TMEM150B: variants seen among roughly 807,000 people sequenced by gnomAD.
TMEM150B encodes the protein transmembrane protein 150B.
In TMEM150B, 33 loss-of-function variants were observed where a neutral mutation model predicts 25.2. The observed-to-expected ratio is 1.31, with a 90% CI of 0.99 to 1.75. The LOEUF is 1.75. TMEM150B is among the 40% of genes most tolerant of loss of function. The pLI, the probability that TMEM150B is intolerant of heterozygous loss-of-function variation, is 0.00. For synonymous variants in TMEM150B, 133 were observed against 134.8 expected, an observed-to-expected ratio of 0.99 and a Z score of 0.09; for missense variants, 322 against 306.1, an observed-to-expected ratio of 1.05 and a Z score of -0.39.
downstream of TMEM150B, among the ~76,000 whole-genome samples, chr19:55,309,977 G>A (rs530612636): frequency 2.0e-4 from 31 of 152,170 alleles, no homozygotes; most frequent in Non-Finnish European, 2.4e-4. Context: ...CCTGGACCCC[G>A]TTGAAAGGAA....
chr19:55,311,821 C>T (rs2088803900), downstream of TMEM150B: 3 of 1,390,112 alleles, frequency 2.2e-6, no homozygotes, highest in Non-Finnish European at 3.0e-6. Context: ...CTGAGACCGA[C>T]TGATGAGGAG....
At chr19:55,323,154 A>G (rs896465046) in intron 1 of TMEM150B, among the ~76,000 whole-genome samples, 1 of 152,196 alleles carries the variant, frequency 6.6e-6, no homozygotes, top group Non-Finnish European at 1.5e-5. Context: ...CGACTCGGCC[A>G]GGCACGGCGG....
rs549799220 is a variant in TMEM150B, at chr19:55,320,084, C to G, written c.279G>C (p.Thr93=). The G allele has an allele frequency of 1.2e-6, 2 of 1,614,010 alleles. No homozygotes were observed. Among genetic ancestry groups the G allele is most frequent in the East Asian group, 4.5e-5 (2 of 44,880 alleles). ...RRWPNQLILW[T]GLLCALGTSV... ...AGGTGCCCAGGGCACACAGAAGACC[C>G]GTCCATAGGATCAGCTGGTTAGGCC... Residue 93 remains threonine, a synonymous_variant, in exon 6 of 8, where the codon ACG becomes ACC. Coordinates refer to ENST00000326652, the MANE Select transcript of TMEM150B (RefSeq NM_001282011.2).
At chr19:55,315,425 T>G (rs889390497) in intron 7 of TMEM150B, among the ~76,000 whole-genome samples, 1 of 150,738 alleles carries the variant, frequency 6.6e-6, no homozygotes. Flanking sequence ...AGGTCAGGAG[T>G]TCGAGACCAG....
chr19:55,324,603 G>A (rs1262097610), intron 1 of TMEM150B: 16 of 593,808 alleles, frequency 2.7e-5, no homozygotes, highest in African/African-American at 2.6e-4. Flanking sequence ...AGCCGAGATC[G>A]CACCACTGCA....
At chr19:55,322,613 C>G in intron 2 of TMEM150B, 35 bp downstream of exon 2, 1 of 967,470 alleles carries the variant, frequency 1.0e-6, no homozygotes, top group Non-Finnish European at 1.2e-6. Context: ...CCTCCGTGCA[C>G]CTCCCAGCCT....
chr19:55,322,534 C>G (rs2089234736), intron 2 of TMEM150B, 114 bp downstream of exon 2: 1 of 331,098 alleles, frequency 3.0e-6, no homozygotes, highest in Non-Finnish European at 4.3e-6. Flanking sequence ...AATCTCTTCA[C>G]CTGTTTCAGT....
intron 1 of TMEM150B, chr19:55,324,724 C>T (rs1411760754): frequency 1.0e-6 from 1 of 985,192 alleles, no homozygotes; most frequent in Admixed American, 6.1e-5. Context: ...GAGGGCAAAG[C>T]TCTCCAAGTC....
At chr19:55,316,516 G>T (rs980743672) in intron 7 of TMEM150B, among the ~76,000 whole-genome samples, 2 of 151,942 alleles carry the variant, frequency 1.3e-5, no homozygotes, top group African/African-American at 4.8e-5. Context: ...CAGCCCTGTC[G>T]TTATCCACAT....
At chr19:55,312,499 C>T (rs2088828157), downstream of TMEM150B, 1 of 155,252 alleles carries the variant, frequency 6.4e-6, no homozygotes. Context: ...TCGCGTGATC[C>T]TGCCTGCGTC....
At chr19:55,321,715 G>A (rs1014462740) in intron 2 of TMEM150B, among the ~76,000 whole-genome samples, 1 of 152,110 alleles carries the variant, frequency 6.6e-6, no homozygotes, top group Non-Finnish European at 1.5e-5. Flanking sequence ...CAGCCTGGAA[G>A]ACCCAGAATT....
At chr19:55,310,777 G>A (rs1668548992), downstream of TMEM150B, among the ~76,000 whole-genome samples, 2 of 152,068 alleles carry the variant, frequency 1.3e-5, no homozygotes, top group Admixed American at 6.6e-5. The surrounding 1 kb of genome is among the most constrained non-coding windows in gnomAD (Gnocchi z 5.0). Flanking sequence ...AGCAAATTAG[G>A]TCCACTGGAC....
intron 6 of TMEM150B, 95 bp from the exon 7 acceptor site, chr19:55,317,061 T>C (rs2089029979): frequency 1.9e-5 from 23 of 1,184,778 alleles, no homozygotes; most frequent in Non-Finnish European, 2.6e-5. Context: ...CAGTAGACAG[T>C]GGTCACCAAC....
chr19:55,313,563 C>A (rs1340940088), intron 7 of TMEM150B, among the ~76,000 whole-genome samples: 1 of 152,142 alleles, frequency 6.6e-6, no homozygotes, highest in South Asian at 2.1e-4. Flanking sequence ...CTCTGAGTGT[C>A]CCCTCCTCCA....
At position 55,316,926 on chromosome 19, in the gene TMEM150B, A is replaced by T. The variant is rs1442850138; in HGVS notation, c.365T>A (p.Leu122His). 1 of 1,606,860 alleles carries T rather than the reference A, an allele frequency of 6.2e-7. No individual in the cohort carries two copies. Among genetic ancestry groups the T allele is most frequent in the East Asian group, 2.2e-5 (1 of 44,600 alleles). Residue 122 changes from leucine to histidine, a missense_variant, in exon 7 of 8, where the codon CTT (leucine) becomes CAT (histidine). Physicochemically the swap from Leu to His is moderately conservative, Grantham distance 99. Transcript: ENST00000326652. The stretch of plus-strand genomic sequence containing the variant: ...GTAGACGTTACCCAAGATGAAGGCA[A>T]GGAAGGCCCCTGCCAAGTGCGTAGG... ...QRPTHLAGAF[L>H]AFILGNVYFW...
At chr19:55,311,846 C>A, downstream of TMEM150B, 1 of 1,550,234 alleles carries the variant, frequency 6.5e-7, no homozygotes, top group Non-Finnish European at 8.8e-7. Context: ...TGCCCCCATC[C>A]CCTGGTAATG....
rs746385894 is a variant in TMEM150B at position 55,312,897 on chromosome 19, G to C, written c.664C>G (p.Pro222Ala). Residue 222 changes from proline (P) to alanine (A), a missense_variant, in exon 8 of 8, where the codon CCG becomes GCG. Coordinates refer to ENST00000326652, the MANE Select transcript of TMEM150B (RefSeq NM_001282011.2). ...CVQPWPSLSPPPASPISLPVQ... is the reference protein window; with the variant it reads ...CVQPWPSLSPAPASPISLPVQ... Reference sequence around the variant, plus strand: ...GGCAGGGAGATGGGGGAGGCCGGCGGGGGGCTGAGGCTGGGCCACGGCTGA... The same window carrying C: ...GGCAGGGAGATGGGGGAGGCCGGCGCGGGGCTGAGGCTGGGCCACGGCTGA... 14 of 1,603,660 alleles carry C rather than the reference G, an allele frequency of 8.7e-6. No individual in the cohort carries two copies. Among genetic ancestry groups the C allele is most frequent in the African/African-American group, 4.0e-5 (3 of 74,828 alleles).
Position 55,320,126 on chromosome 19 carries a change from G to C in TMEM150B, c.237C>G (p.Asp79Glu). The stretch of plus-strand genomic sequence containing the variant: ...GGTTAGGCCACCTTCTGACGCCCCA[G>C]TCCCGGAGCTGGTGGTAACGGACAA... ...ICIVRYHQLR[D>E]WGVRRWPNQL... is the part of the protein sequence containing the mutation. The change falls in exon 6 of 8, where the codon GAC becomes GAG. Residue 79 changes from aspartate to glutamate, a missense_variant. By Grantham distance (45) the Asp-to-Glu change is conservative. Transcript: ENST00000326652. 6.2e-7 allele frequency: 1 copy of C among 1,614,172 alleles called. No homozygotes were observed. Among genetic ancestry groups the C allele is most frequent in the Non-Finnish European group, 8.5e-7 (1 of 1,180,024 alleles).
intron 7 of TMEM150B, among the ~76,000 whole-genome samples, chr19:55,316,410 A>T (rs1396752889): frequency 6.6e-6 from 1 of 152,066 alleles, no homozygotes; most frequent in Non-Finnish European, 1.5e-5. Flanking sequence ...TTCTTAGTAT[A>T]TCATTCTTCC....
Sources: gnomAD v4.1 joint callset for allele counts (sites outside exome capture counted in the v4.1 genomes callset) on GRCh38, gnomAD v4.1.1 for gene constraint, Gnocchi (gnomAD v3.1) non-coding constraint, MANE v1.5 for transcripts, NCBI Gene and HGNC (gene_info 2026-07-23, HGNC 2026-07-21) for gene names.